PLD1: variants seen among roughly 807,000 people sequenced by gnomAD.
PLD1 encodes phospholipase D1.
In PLD1, 112 loss-of-function variants were observed where a neutral mutation model predicts 137.1. The ratio of observed to expected loss-of-function variants is 0.82; its 90% CI spans 0.70 to 0.96. PLD1 has a LOEUF of 0.96. PLD1 is among the 40% of genes least tolerant of loss of function. The pLI is 0.00. For synonymous variants in PLD1, 431 were observed against 454.7 expected (o/e 0.95, Z 0.66); for missense variants, 1,321 against 1,342.0 (o/e 0.98, Z 0.24).
At chr3:171,667,044 C>T (rs1250973724) in intron 19 of PLD1, among the ~76,000 whole-genome samples, 1 of 152,210 alleles carries the variant, frequency 6.6e-6, no homozygotes, top group African/African-American at 2.4e-5. Context: ...CCCAAATTCC[C>T]TTCCTTTCTC....
rs770964932 is a variant in PLD1 at position 171,786,894 on chromosome 3, G to A, written c.-32+23505C>T. On this transcript the variant is annotated intron_variant, in intron 1 of 26. Transcript: ENST00000351298. ...CAATCAAATAGATCTTTCAATACGT[G>A]CAGTGCCTCCGTAGTGATGCCTCAT... Among the ~76,000 whole-genome samples the A allele has an allele frequency of 1.4e-4, 21 of 152,168 alleles. 1 individual carries two copies. The highest frequency in any genetic ancestry group is 7.8e-4 in the Admixed American group (12 of 15,298).
Position 171,643,003 on chromosome 3 carries a change from G to A in PLD1, c.2544-114C>T, listed in dbSNP as rs1012671167. On this transcript the variant is annotated intron_variant, in intron 22 of 26. Transcript: ENST00000351298. ...AAAAACAGAACAAGTGCTTCTATGA[G>A]AAGATGCTACATATATATCTAAATG... is the stretch of plus-strand genomic sequence containing the variant. The A allele has an allele frequency of 2.8e-5, 19 of 669,858 alleles. No individual in the cohort carries two copies. The Admixed American group carries it at 5.0e-4, about 18-fold the overall frequency. 41.5% of individuals were successfully genotyped at this position (669,858 alleles called of 1,614,324 possible).
chr3:171,603,729 G>A (rs1280679764), intron 26 of PLD1, among the ~76,000 whole-genome samples: 1 of 152,146 alleles, frequency 6.6e-6, no homozygotes, highest in African/African-American at 2.4e-5. Context: ...TTTGCTGGTT[G>A]AAAATGAGTT....
At chr3:171,801,405 C>A (rs947535628) in intron 1 of PLD1, among the ~76,000 whole-genome samples, 6 of 152,176 alleles carry the variant, frequency 3.9e-5, no homozygotes, top group South Asian at 4.1e-4. Flanking sequence ...ATCCAACATG[C>A]GTTTCTGGCA....
intron 1 of PLD1, among the ~76,000 whole-genome samples, chr3:171,758,851 G>T (rs185576009): frequency 2.0e-5 from 3 of 152,138 alleles, no homozygotes; most frequent in Admixed American, 6.5e-5. Context: ...AGCAATAACT[G>T]AATCTATAGG....
At chr3:171,664,623 ATT>A (rs11299225) in intron 19 of PLD1, among the ~76,000 whole-genome samples, 4 of 151,054 alleles carry the variant, frequency 2.6e-5, no homozygotes, top group South Asian at 2.1e-4. Context: ...ATGCCCAGCT[ATT>A]TTTTTTTATT....
rs774982129 is a variant in PLD1 at position 171,605,331 on chromosome 3, T to C, written c.2968A>G (p.Thr990Ala). The stretch of plus-strand genomic sequence containing the variant: ...TAAATTGTAGCATTTCGAGCTGCTG[T>C]TGAAACCCACACCTCCTTGAAGAAT... ...DKFFKEVWVS[T>A]AARNATIYDK... The change falls in exon 26 of 27, where the codon ACA (threonine) becomes GCA (alanine). Residue 990 changes from threonine to alanine, a missense_variant. Thr to Ala is a moderately conservative substitution (Grantham distance 58). Coordinates refer to ENST00000351298, the MANE Select transcript of PLD1 (RefSeq NM_002662.5). 22 of 1,612,544 alleles carry C rather than the reference T, an allele frequency of 1.4e-5. No individual in the cohort carries two copies. The highest frequency in any genetic ancestry group is 1.4e-5 in the Non-Finnish European group (16 of 1,178,662).
chr3:171,810,083 G>A (rs1036184099), intron 1 of PLD1, among the ~76,000 whole-genome samples: 2 of 152,240 alleles, frequency 1.3e-5, no homozygotes, highest in African/African-American at 2.4e-5. Context: ...GCGGCGAGGC[G>A]GTGCATCCTG....
At position 171,794,058 on chromosome 3, in the gene PLD1, C is replaced by T. The variant is rs184297657; in HGVS notation, c.-32+16341G>A. 9.9e-3 allele frequency: 1,499 copies of T among 151,930 alleles called. 11 individuals carry two copies. The highest frequency in any genetic ancestry group is 0.015 in the Non-Finnish European group (1,019 of 68,046). The allele number at this position is 151,930 out of a possible 1,614,324, so 9.4% of individuals were successfully genotyped here. On this transcript the variant is annotated intron_variant, in intron 1 of 26. Transcript: ENST00000351298. The stretch of plus-strand genomic sequence containing the variant: ...ACTCGGGAGGCTGAGGAAGGAGAAT[C>T]GCTTGAACCTGGGAGGTGGAGGTTG...
At chr3:171,649,379 G>GA (rs1307856726) in intron 21 of PLD1, among the ~76,000 whole-genome samples, 2 of 152,124 alleles carry the variant, frequency 1.3e-5, no homozygotes, top group African/African-American at 2.4e-5. Flanking sequence ...CACTGCTGTA[G>GA]AAAAAAGGGC....
At chr3:171,683,957 C>T (rs1714274756) in intron 16 of PLD1, among the ~76,000 whole-genome samples, 1 of 152,196 alleles carries the variant, frequency 6.6e-6, no homozygotes, top group African/African-American at 2.4e-5. Flanking sequence ...TTATGTTCTT[C>T]ACCATTTCCC....
chr3:171,808,590 A>G (rs1251749973), intron 1 of PLD1, among the ~76,000 whole-genome samples: 1 of 150,876 alleles, frequency 6.6e-6, no homozygotes, highest in Non-Finnish European at 1.5e-5. Context: ...TGTAACAAAA[A>G]TAAAAGTTAC....
intron 16 of PLD1, among the ~76,000 whole-genome samples, chr3:171,683,185 G>A (rs1026628077): frequency 6.6e-6 from 1 of 152,100 alleles, no homozygotes; most frequent in African/African-American, 2.4e-5. Context: ...CTCACATCTT[G>A]TATCTAGTTC....
intron 1 of PLD1, among the ~76,000 whole-genome samples, chr3:171,760,099 TTTTA>T (rs1721292168): frequency 6.6e-6 from 1 of 152,184 alleles, no homozygotes; most frequent in African/African-American, 2.4e-5. Context: ...TATTTGACTT[TTTTA>T]TTTATTCCCG....
chr3:171,717,120 T>C (rs943171527), intron 8 of PLD1, among the ~76,000 whole-genome samples: 1 of 152,228 alleles, frequency 6.6e-6, no homozygotes, highest in Non-Finnish European at 1.5e-5. Context: ...CCCTGTAGTG[T>C]AGTTTGGAGT....
At chr3:171,757,369 A>T (rs1030711744) in intron 1 of PLD1, among the ~76,000 whole-genome samples, 2 of 152,172 alleles carry the variant, frequency 1.3e-5, no homozygotes, top group African/African-American at 2.4e-5. Flanking sequence ...AAGAAAAGAG[A>T]AATTCTGGGT....
chr3:171,754,211 G>A (rs143943634), intron 1 of PLD1, among the ~76,000 whole-genome samples: 38 of 152,250 alleles, frequency 2.5e-4, no homozygotes, highest in African/African-American at 8.9e-4. Context: ...TGTCTATTGG[G>A]TTCTCAGTCA....
Position 171,601,700 on chromosome 3 carries a change from C to G in PLD1, c.*1378G>C, listed in dbSNP as rs1195822842. The G allele has an allele frequency of 6.6e-6, 1 of 152,116 alleles. No homozygotes were observed. Among genetic ancestry groups the G allele is most frequent in the Non-Finnish European group, 1.5e-5 (1 of 68,030 alleles). 9.4% of individuals were successfully genotyped at this position (152,116 alleles called of 1,614,324 possible). The stretch of plus-strand genomic sequence containing the variant: ...GGCTGCTTGCTTCTTTGAAGAACAA[C>G]CCAAATGAGAGTATGTCCAGGTAAT... On this transcript the variant is annotated 3_prime_UTR_variant, in exon 27 of 27. Coordinates refer to ENST00000351298, the MANE Select transcript of PLD1 (RefSeq NM_002662.5).
At chr3:171,642,739 T>A (rs1560173274) in intron 23 of PLD1, 101 bp downstream of exon 23, 2 of 689,536 alleles carry the variant, frequency 2.9e-6, no homozygotes, top group Non-Finnish European at 2.5e-6. Flanking sequence ...GTACCTTTTA[T>A]AAACAGAGTT....
Sources: allele counts gnomAD v4.1 joint callset (sites outside exome capture counted in the v4.1 genomes callset), GRCh38; gene constraint gnomAD v4.1.1; transcripts MANE v1.5; gene names NCBI Gene and HGNC (gene_info 2026-07-23, HGNC 2026-07-21).